PRTG: variants seen among roughly 807,000 people sequenced by gnomAD.
PRTG encodes protogenin.
A neutral mutation model predicts 122.5 loss-of-function variants in PRTG; 67 were observed. That is an observed-to-expected ratio of 0.55 (90% CI 0.45 to 0.67). The LOEUF is 0.67. PRTG is among the 30% of genes least tolerant of loss of function. PRTG has a pLI of 0.00. For synonymous variants in PRTG, 554 were observed against 501.1 expected (o/e 1.11, Z -1.41); for missense variants, 1,435 against 1,415.4 (o/e 1.01, Z -0.22).
At position 55,687,014 on chromosome 15, in the gene PRTG, C is replaced by T. The variant is rs2059574025; in HGVS notation, c.398-3083G>A. Among the ~76,000 whole-genome samples, 4 of 152,298 alleles carry T rather than the reference C, an allele frequency of 2.6e-5. No individual in the cohort carries two copies. In the South Asian group the frequency reaches 6.2e-4, roughly 24 times the overall value. On this transcript the variant is annotated intron_variant, in intron 2 of 19. Coordinates refer to ENST00000389286, the MANE Select transcript of PRTG (RefSeq NM_173814.6). ...ATTTACAAGTCTTCCTCCGCTTCTA[C>T]ATTATAAGCTCACTGAGGGGCAGCA...
Position 55,657,149 on chromosome 15 carries a change from T to A in PRTG, c.2041+15296A>T, listed in dbSNP as rs143501563. ...CACAGAATTACTATAATTAAAATAA[T>A]CCCTGTAATTTCTCAGAATAGAGAT... On this transcript the variant is annotated intron_variant, in intron 11 of 19. Transcript: ENST00000389286. Among the ~76,000 whole-genome samples, 243 of 152,306 alleles carry A rather than the reference T, an allele frequency of 1.6e-3. No homozygotes were observed. The East Asian group carries it at 0.016, about 10-fold the overall frequency.
chr15:55,677,965 A>AAAAG lies in PRTG; in HGVS notation c.1212_1213insCTTT (p.Ser406PhefsTer3). The AAAAG allele has an allele frequency of 6.2e-7, 1 of 1,613,184 alleles. No individual in the cohort carries two copies. The highest frequency in any genetic ancestry group is 8.5e-7 in the Non-Finnish European group (1 of 1,179,308). ...ACTACAGTCAGTCTGGCTCTAGATA[A>AAAAG]AATAGATCCTTGGCTATTCTCAGCC... On this transcript the variant is annotated frameshift_variant, in exon 8 of 20. Transcript: ENST00000389286. LOFTEE classifies it high-confidence loss of function.
intron 2 of PRTG, among the ~76,000 whole-genome samples, chr15:55,702,426 G>A (rs1053574022): frequency 7.2e-5 from 11 of 152,142 alleles, no homozygotes; most frequent in African/African-American, 1.9e-4. Flanking sequence ...AGAAAAGGCA[G>A]TCAATAGACA....
chr15:55,651,693 A>G (rs2059353956), intron 11 of PRTG, among the ~76,000 whole-genome samples: 1 of 152,214 alleles, frequency 6.6e-6, no homozygotes, highest in Non-Finnish European at 1.5e-5. Flanking sequence ...TTGGGTCATG[A>G]AAACTAGGTC....
At chr15:55,653,381 A>G (rs2059363622) in intron 11 of PRTG, among the ~76,000 whole-genome samples, 1 of 152,220 alleles carries the variant, frequency 6.6e-6, no homozygotes, top group Non-Finnish European at 1.5e-5. Flanking sequence ...TGAGTTTAGA[A>G]TAATTTAGAG....
At position 55,612,696 on chromosome 15, in the gene PRTG, CAATATATATATATATATATATA is replaced by C. The variant is rs1402061833; in HGVS notation, c.*7294_*7315del. 1 of 90,610 alleles carries C rather than the reference CAATATATATATATATATATATA, an allele frequency of 1.1e-5. No individual in the cohort carries two copies. Among genetic ancestry groups the C allele is most frequent in the African/African-American group, 5.8e-5 (1 of 17,360 alleles). The allele number at this position is 90,610 out of a possible 1,614,324, so 5.6% of individuals were successfully genotyped here. On this transcript the variant is annotated 3_prime_UTR_variant, in exon 20 of 20. Coordinates refer to ENST00000389286, the MANE Select transcript of PRTG (RefSeq NM_173814.6). Reference sequence around the variant, plus strand: ...ATTCTCTCTTTAACTCTTTAAAAGCCAATATATATATATATATATATATATATATATATATATATATATATAT... The same window carrying C: ...ATTCTCTCTTTAACTCTTTAAAAGCCTATATATATATATATATATATATAT...
chr15:55,625,670 C>T (rs1357940822), intron 17 of PRTG, among the ~76,000 whole-genome samples: 2 of 150,072 alleles, frequency 1.3e-5, no homozygotes, highest in Non-Finnish European at 3.0e-5. Flanking sequence ...GTCGCCCAGG[C>T]TGGAGTGCAG....
chr15:55,654,246 ATCTCC>A (rs1445364312), intron 11 of PRTG, among the ~76,000 whole-genome samples: 2 of 152,216 alleles, frequency 1.3e-5, no homozygotes, highest in Non-Finnish European at 2.9e-5. Flanking sequence ...GAGGGTTGAT[ATCTCC>A]TTTGGTTAGG....
chr15:55,626,980 C>G lies in PRTG; in HGVS notation c.2927+28G>C, dbSNP rs201929959. On this transcript the variant is annotated intron_variant, in intron 17 of 19. Transcript: ENST00000389286. ...CTACCGTAATTTAAATGTTTTTCAC[C>G]TCAACATCTCTAGCAATGGAAACAC... is the stretch of plus-strand genomic sequence containing the variant. 85 of 1,577,608 alleles carry G rather than the reference C, an allele frequency of 5.4e-5. No homozygotes were observed. The East Asian group carries it at 1.9e-3, about 36-fold the overall frequency.
intron 19 of PRTG, 81 bp from the exon 20 acceptor site, chr15:55,620,347 C>T: frequency 6.5e-7 from 1 of 1,549,808 alleles, no homozygotes; most frequent in East Asian, 2.2e-5. Context: ...TCCCCACAGA[C>T]AGGTGGGAGC....
At chr15:55,742,668 G>C (rs1240668114) in intron 1 of PRTG, 170 bp downstream of exon 1, 1 of 752,136 alleles carries the variant, frequency 1.3e-6, no homozygotes, top group East Asian at 3.1e-5. Context: ...AGTGTCTGCA[G>C]CTGGCGGTTC....
At chr15:55,691,567 G>T (rs1289616888) in intron 2 of PRTG, among the ~76,000 whole-genome samples, 1 of 151,540 alleles carries the variant, frequency 6.6e-6, no homozygotes. Flanking sequence ...TGTAGTCCCA[G>T]CTACTCAGGA....
At chr15:55,627,152 C>A (rs772865233) in intron 16 of PRTG, 24 bp from the exon 17 acceptor site, 17 of 1,492,808 alleles carry the variant, frequency 1.1e-5, no homozygotes, top group South Asian at 2.6e-5. Flanking sequence ...CACATTTACT[C>A]AGAATCAATC....
At position 55,679,186 on chromosome 15, in the gene PRTG, A is replaced by T. The variant is rs183580659; in HGVS notation, c.1133+100T>A. The T allele has an allele frequency of 4.1e-5, 30 of 732,722 alleles. No homozygotes were observed. The East Asian group carries it at 8.5e-4, about 21-fold the overall frequency. The allele number at this position is 732,722 out of a possible 1,614,324, so 45.4% of individuals were successfully genotyped here. On this transcript the variant is annotated intron_variant, in intron 7 of 19. Transcript: ENST00000389286. ...TAGTTTCATTTTGTTAATAACTATCAAGATAATTTAGGTATTTGATATTAT... is the reference window on the plus strand; with the variant it reads ...TAGTTTCATTTTGTTAATAACTATCTAGATAATTTAGGTATTTGATATTAT...
At chr15:55,650,421 G>C (rs1358324037) in intron 11 of PRTG, among the ~76,000 whole-genome samples, 1 of 152,154 alleles carries the variant, frequency 6.6e-6, no homozygotes, top group Non-Finnish European at 1.5e-5. Flanking sequence ...GCATGGGGAA[G>C]AAGAGATCTA....
chr15:55,671,526 G>A (rs779499519), intron 11 of PRTG, among the ~76,000 whole-genome samples: 15 of 151,772 alleles, frequency 9.9e-5, no homozygotes, highest in Admixed American at 5.3e-4. Flanking sequence ...ACAGAATCTC[G>A]CACTGTCGCC....
chr15:55,629,375 A>ATGTG (rs59080250), intron 15 of PRTG, among the ~76,000 whole-genome samples: 1,555 of 47,510 alleles, frequency 0.033, 25 homozygotes, highest in East Asian at 0.045. Flanking sequence ...ATATATATAT[A>ATGTG]TGTGTGTGTG....
At chr15:55,726,233 C>T (rs1159257914) in intron 2 of PRTG, among the ~76,000 whole-genome samples, 1 of 152,056 alleles carries the variant, frequency 6.6e-6, no homozygotes, top group Non-Finnish European at 1.5e-5. Context: ...GGCCACTGCA[C>T]CCAGCCCTAA....
chr15:55,633,238 T>TA (rs766232451), intron 15 of PRTG, among the ~76,000 whole-genome samples: 34 of 151,640 alleles, frequency 2.2e-4, no homozygotes, highest in Non-Finnish European at 4.3e-4. Context: ...TAAAGGCCTG[T>TA]AATCTTTTTT....
Sources: allele counts gnomAD v4.1 joint callset (sites outside exome capture counted in the v4.1 genomes callset), GRCh38; gene constraint gnomAD v4.1.1; transcripts MANE v1.5; gene names NCBI Gene and HGNC (gene_info 2026-07-23, HGNC 2026-07-21).